The following PPP1R8 variants were observed in gnomAD, a reference collection of about 807,000 sequenced individuals.
PPP1R8 encodes protein phosphatase 1 regulatory subunit 8.
Under a neutral mutation model 31.3 loss-of-function variants are expected in PPP1R8, and 4 were observed. The ratio of observed to expected loss-of-function variants is 0.13; its 90% CI spans 0.06 to 0.29. PPP1R8 has a LOEUF of 0.29. PPP1R8 is among the 10% of genes least tolerant of loss of function. PPP1R8 has a pLI of 1.00. For synonymous variants in PPP1R8, 170 were observed against 169.7 expected, an observed-to-expected ratio of 1.00 and a Z score of -0.01; for missense variants, 254 against 440.1, an observed-to-expected ratio of 0.58 and a Z score of 3.78.
At chr1:27,830,918 A>C in intron 1 of PPP1R8, 27 bp downstream of exon 1, 2 of 1,547,080 alleles carry the variant, frequency 1.3e-6, no homozygotes, top group Non-Finnish European at 1.7e-6. Flanking sequence ...CCAGGGCTAG[A>C]GTGGCCCGGC....
rs72872825 is a variant in PPP1R8 at position 27,850,593 on chromosome 1, A to G, written c.*147A>G. 1.5e-3 allele frequency: 1,069 copies of G among 728,924 alleles called. 7 individuals carry two copies. The African/African-American group carries it at 0.017, about 12-fold the overall frequency. The allele number at this position is 728,924 out of a possible 1,614,324, so 45.2% of individuals were successfully genotyped here. A position where few individuals can be genotyped will look rare whatever the true frequency, so the allele number is the denominator to read the frequency against. On this transcript the variant is annotated 3_prime_UTR_variant, in exon 7 of 7. Transcript: ENST00000311772. ...GGCATCCTAACCATGTAATATGACA[A>G]TTGGGGGTGGGGTTGAAATAGCCCA...
intron 5 of PPP1R8, among the ~76,000 whole-genome samples, chr1:27,843,909 T>G (rs1322060329): frequency 6.6e-6 from 1 of 152,200 alleles, no homozygotes; most frequent in Admixed American, 6.5e-5. Context: ...GCCGAGGTTG[T>G]GCCACTGCAC....
At chr1:27,830,956 C>A (rs1417077026) in intron 1 of PPP1R8, 65 bp downstream of exon 1, 1 of 1,476,436 alleles carries the variant, frequency 6.8e-7, no homozygotes, top group Non-Finnish European at 9.0e-7. Context: ...GGAAGGGCGG[C>A]TCTTTTTTTA....
intron 2 of PPP1R8, among the ~76,000 whole-genome samples, chr1:27,835,008 A>T (rs1000766647): frequency 5.9e-5 from 9 of 151,662 alleles, no homozygotes; most frequent in Non-Finnish European, 8.8e-5. Context: ...ACAAAGCAAG[A>T]CTCCATCTCA....
At chr1:27,842,342 C>CAAA (rs567804256) in intron 4 of PPP1R8, among the ~76,000 whole-genome samples, 4 of 63,216 alleles carry the variant, frequency 6.3e-5, no homozygotes, top group African/African-American at 2.2e-4. Flanking sequence ...AACTCCGTCT[C>CAAA]AAAAAAAAAA....
intron 6 of PPP1R8, among the ~76,000 whole-genome samples, chr1:27,847,643 A>G (rs1310904059): frequency 6.6e-6 from 1 of 152,106 alleles, no homozygotes; most frequent in African/African-American, 2.4e-5. Flanking sequence ...AGGTGGGAGA[A>G]TCGCTGGAAC....
At chr1:27,846,996 C>T in intron 5 of PPP1R8, 32 bp from the exon 6 acceptor site, 2 of 1,598,872 alleles carry the variant, frequency 1.3e-6, no homozygotes, top group South Asian at 2.2e-5. Flanking sequence ...AGTAAAGTAC[C>T]AACCCAACCC....
intron 3 of PPP1R8, among the ~76,000 whole-genome samples, 187 bp downstream of exon 3, chr1:27,839,039 G>T (rs1414522109): frequency 3.3e-5 from 5 of 152,118 alleles, no homozygotes; most frequent in African/African-American, 1.2e-4. Context: ...AGAGAAGAGG[G>T]GTTTGGGGAG....
In PPP1R8 at chr1:27,850,535, A is replaced by G; in HGVS notation, c.*89A>G. 2.6e-6 allele frequency: 3 copies of G among 1,163,818 alleles called. No homozygotes were observed. Among genetic ancestry groups the G allele is most frequent in the Non-Finnish European group, 3.6e-6 (3 of 828,498 alleles). 72.1% of individuals were successfully genotyped at this position (1,163,818 alleles called of 1,614,324 possible). A position where few individuals can be genotyped will look rare whatever the true frequency, so the allele number is the denominator to read the frequency against. ...AATGAACTAGGGAGAAAAACTTTCC[A>G]TGTGTGCGGTATCGTCTTTCAGAAT... On this transcript the variant is annotated 3_prime_UTR_variant, in exon 7 of 7. Transcript: ENST00000311772.
chr1:27,837,140 G>T (rs548069735), intron 2 of PPP1R8, among the ~76,000 whole-genome samples: 2 of 150,612 alleles, frequency 1.3e-5, no homozygotes, highest in African/African-American at 4.9e-5. Flanking sequence ...TCATACAATT[G>T]TTGATCTCAG....
rs980938396 is a variant in PPP1R8 at position 27,851,000 on chromosome 1, C to G, written c.*554C>G. ...TGAGGTCCAGTAGCTAGGCTTTTCT[C>G]TTTTGTCCTTCCTGTTGGAATGAAA... is the stretch of plus-strand genomic sequence containing the variant. On this transcript the variant is annotated 3_prime_UTR_variant, in exon 7 of 7. Transcript: ENST00000311772. 6.5e-6 allele frequency: 1 copy of G among 154,004 alleles called. No individual in the cohort carries two copies. The highest frequency in any genetic ancestry group is 1.4e-5 in the Non-Finnish European group (1 of 69,196). 9.5% of individuals were successfully genotyped at this position (154,004 alleles called of 1,614,324 possible). A position where few individuals can be genotyped will look rare whatever the true frequency, so the allele number is the denominator to read the frequency against.
At chr1:27,835,957 C>T (rs1044090341) in intron 2 of PPP1R8, among the ~76,000 whole-genome samples, 6 of 152,200 alleles carry the variant, frequency 3.9e-5, no homozygotes, top group African/African-American at 1.4e-4. Context: ...AAGCGCCTAG[C>T]AGTTGTTACT....
intron 3 of PPP1R8, among the ~76,000 whole-genome samples, chr1:27,840,594 C>T (rs1319044886): frequency 6.6e-6 from 1 of 152,148 alleles, no homozygotes; most frequent in Non-Finnish European, 1.5e-5. Flanking sequence ...TGTCCAGCTC[C>T]TGCTTTGGGA....
intron 4 of PPP1R8, among the ~76,000 whole-genome samples, chr1:27,842,008 G>A (rs1283406695): frequency 6.6e-6 from 1 of 152,138 alleles, no homozygotes; most frequent in Admixed American, 6.6e-5. Context: ...GTACACCAAG[G>A]CAGTTTCCTG....
At position 27,841,232 on chromosome 1, in the gene PPP1R8, G is replaced by A; in HGVS notation, c.490G>A (p.Asp164Asn). ...LGLPEEETEL[D>N]NLTEFNTAHN... is the part of the protein sequence containing the mutation. Reference sequence around the variant, plus strand: ...GCTTCCAGAGGAGGAAACTGAGCTTGATGTAATTCCCTGTTTATGTCATTG... The same window carrying A: ...GCTTCCAGAGGAGGAAACTGAGCTTAATGTAATTCCCTGTTTATGTCATTG... The change falls in exon 4 of 7, where the codon GAT (aspartate) becomes AAT (asparagine). Residue 164 changes from aspartate to asparagine, a missense_variant and splice_region_variant. Transcript: ENST00000311772. The A allele has an allele frequency of 2.5e-6, 4 of 1,613,976 alleles. No individual in the cohort carries two copies. The highest frequency in any genetic ancestry group is 2.5e-6 in the Non-Finnish European group (3 of 1,179,992).
At chr1:27,848,903 G>T (rs577669607) in intron 6 of PPP1R8, among the ~76,000 whole-genome samples, 7 of 152,000 alleles carry the variant, frequency 4.6e-5, no homozygotes, top group Admixed American at 2.0e-4. Flanking sequence ...ACACATTTAC[G>T]TATATAGTTT....
chr1:27,850,580 A>G lies in PPP1R8; in HGVS notation c.*134A>G. On this transcript the variant is annotated 3_prime_UTR_variant, in exon 7 of 7. Transcript: ENST00000311772. ...CAGAATGTCTCCTGGCATCCTAACC[A>G]TGTAATATGACAATTGGGGGTGGGG... 2 of 787,496 alleles carry G rather than the reference A, an allele frequency of 2.5e-6. No individual in the cohort carries two copies. The highest frequency in any genetic ancestry group is 4.0e-6 in the Non-Finnish European group (2 of 505,872). 48.8% of individuals were successfully genotyped at this position (787,496 alleles called of 1,614,324 possible). A position where few individuals can be genotyped will look rare whatever the true frequency, so the allele number is the denominator to read the frequency against.
intron 2 of PPP1R8, among the ~76,000 whole-genome samples, chr1:27,836,096 T>A (rs1033026058): frequency 1.3e-5 from 2 of 152,226 alleles, no homozygotes; most frequent in African/African-American, 4.8e-5. Flanking sequence ...CCCAGCCGGG[T>A]ACTAACTTGA....
At chr1:27,841,978 C>T (rs1048053112) in intron 4 of PPP1R8, among the ~76,000 whole-genome samples, 2 of 152,194 alleles carry the variant, frequency 1.3e-5, no homozygotes, top group African/African-American at 4.8e-5. Context: ...CTTAACCACC[C>T]ACCTGCATTT....
Sources: gnomAD v4.1 joint callset for allele counts (sites outside exome capture counted in the v4.1 genomes callset) on GRCh38, gnomAD v4.1.1 for gene constraint, MANE v1.5 for transcripts, NCBI Gene and HGNC (gene_info 2026-07-23, HGNC 2026-07-21) for gene names.